The following MCOLN2 variants were observed in gnomAD, a reference collection of about 807,000 sequenced individuals.
MCOLN2 encodes the protein mucolipin TRP cation channel 2.
A neutral mutation model predicts 67.5 loss-of-function variants in MCOLN2; 57 were observed. The observed-to-expected ratio is 0.84, with a 90% CI of 0.68 to 1.05. The LOEUF (loss-of-function observed/expected upper bound fraction) is 1.05. MCOLN2 is among the 50% of genes least tolerant of loss of function. The pLI, the probability that MCOLN2 is intolerant of heterozygous loss-of-function variation, is 0.00. For synonymous variants in MCOLN2, 246 were observed against 233.3 expected (o/e 1.05, Z -0.50); for missense variants, 620 against 678.8 (o/e 0.91, Z 0.96).
intron 1 of MCOLN2, among the ~76,000 whole-genome samples, chr1:84,987,481 C>CATATATGT (rs1557665496): frequency 6.1e-5 from 1 of 16,366 alleles, no homozygotes; most frequent in African/African-American, 1.2e-4. Flanking sequence ...GATATATATA[C>CATATATGT]ATATATACAT....
chr1:84,945,237 T>C (rs1346811629), intron 7 of MCOLN2, among the ~76,000 whole-genome samples: 2 of 152,236 alleles, frequency 1.3e-5, no homozygotes, highest in Non-Finnish European at 2.9e-5. Flanking sequence ...TGCATTTGAC[T>C]GACTAGCTTG....
chr1:84,943,108 G>A (rs1647885160), intron 7 of MCOLN2, among the ~76,000 whole-genome samples: 2 of 152,134 alleles, frequency 1.3e-5, no homozygotes, highest in African/African-American at 4.8e-5. Flanking sequence ...AATTAATGAA[G>A]AGAATCAAGC....
chr1:84,959,378 C>G (rs942485411), intron 2 of MCOLN2, among the ~76,000 whole-genome samples: 1 of 152,206 alleles, frequency 6.6e-6, no homozygotes, highest in African/African-American at 2.4e-5. Flanking sequence ...AAAATGCCCA[C>G]TTATTCTCCC....
At chr1:84,936,199 C>A (rs1354836894) in intron 11 of MCOLN2, among the ~76,000 whole-genome samples, 2 of 152,040 alleles carry the variant, frequency 1.3e-5, no homozygotes, top group African/African-American at 4.8e-5. Context: ...ATCTTGGGCA[C>A]CATGCCTAAC....
intron 2 of MCOLN2, among the ~76,000 whole-genome samples, chr1:84,962,741 G>A (rs1649157689): frequency 6.6e-6 from 1 of 152,142 alleles, no homozygotes; most frequent in Non-Finnish European, 1.5e-5. Flanking sequence ...TGGCCTGTCT[G>A]GCTGGGATTT....
chr1:84,938,501 GC>G (rs1647566721), intron 9 of MCOLN2, among the ~76,000 whole-genome samples: 12 of 152,208 alleles, frequency 7.9e-5, no homozygotes, highest in Admixed American at 7.9e-4. Flanking sequence ...TAACACAGCT[GC>G]AGCTCTGAGG....
At chr1:84,940,087 G>A (rs888922360) in intron 8 of MCOLN2, among the ~76,000 whole-genome samples, 24 of 152,166 alleles carry the variant, frequency 1.6e-4, no homozygotes, top group African/African-American at 5.5e-4. Context: ...GCCAGGATCC[G>A]TGTCCAGGCA....
chr1:84,974,586 C>A (rs1274624197), intron 1 of MCOLN2, among the ~76,000 whole-genome samples: 1 of 152,044 alleles, frequency 6.6e-6, no homozygotes, highest in Non-Finnish European at 1.5e-5. Context: ...TGGCAGCATT[C>A]ATCACCTGCT....
At chr1:84,963,946 G>T in intron 2 of MCOLN2, among the ~76,000 whole-genome samples, 1 of 152,166 alleles carries the variant, frequency 6.6e-6, no homozygotes, top group East Asian at 1.9e-4. Flanking sequence ...TCAAATAATT[G>T]AAGGAAGTTG....
intron 2 of MCOLN2, among the ~76,000 whole-genome samples, chr1:84,960,684 TAGG>T (rs1649039746): frequency 6.6e-6 from 1 of 152,214 alleles, no homozygotes; most frequent in Non-Finnish European, 1.5e-5. Flanking sequence ...ATGGTGCCTG[TAGG>T]AGAAGCCAGA....
At position 84,964,532 on chromosome 1, in the gene MCOLN2, G is replaced by T. The variant is rs486647; in HGVS notation, c.237+1017C>A. 8.6e-4 allele frequency among the ~76,000 whole-genome samples: 127 copies of T among 147,690 alleles called. 2 individuals carry two copies. The highest frequency in any genetic ancestry group is 1.2e-3 in the Non-Finnish European group (82 of 66,226). ...GACTGGAGTGGGGCAGGAGTGGGGG[G>T]GGGTGGGTAATGGTTTCAGGATGAT... On this transcript the variant is annotated intron_variant, in intron 2 of 13. Transcript: ENST00000370608.
chr1:84,956,108 C>T (rs1444609646), intron 4 of MCOLN2, among the ~76,000 whole-genome samples: 1 of 151,978 alleles, frequency 6.6e-6, no homozygotes, highest in Non-Finnish European at 1.5e-5. Context: ...TTTCATTTAA[C>T]ACATACAGAC....
At chr1:84,931,248 CA>C (rs1661387111) in intron 12 of MCOLN2, 113 bp downstream of exon 12, 1 of 738,876 alleles carries the variant, frequency 1.4e-6, no homozygotes, top group African/African-American at 1.8e-5. Context: ...AGTTTGTCCA[CA>C]AAACCTCAAA....
intron 1 of MCOLN2, among the ~76,000 whole-genome samples, chr1:84,991,277 G>A (rs1192577247): frequency 6.6e-6 from 1 of 152,144 alleles, no homozygotes; most frequent in Non-Finnish European, 1.5e-5. Flanking sequence ...TGTTTCTACA[G>A]TAATGACTGT....
intron 11 of MCOLN2, chr1:84,937,447 A>T: frequency 3.2e-6 from 1 of 310,172 alleles, no homozygotes; most frequent in South Asian, 1.4e-4. Context: ...TTTCATTTTT[A>T]ATATAGTGAT....
At chr1:84,963,901 C>T (rs657309) in intron 2 of MCOLN2, among the ~76,000 whole-genome samples, 53,822 of 151,990 alleles carry the variant, frequency 0.35, 9,911 homozygotes, top group African/African-American at 0.43. Context: ...ATATTTTATG[C>T]CTGGGTAAAT....
At chr1:84,959,147 T>C (rs1308482262) in intron 2 of MCOLN2, among the ~76,000 whole-genome samples, 2 of 152,244 alleles carry the variant, frequency 1.3e-5, no homozygotes, top group East Asian at 3.8e-4. Flanking sequence ...TAAAAGTGTT[T>C]TTTGAAAAGT....
chr1:84,935,076 C>T (rs1647346944), intron 11 of MCOLN2, among the ~76,000 whole-genome samples: 1 of 152,178 alleles, frequency 6.6e-6, no homozygotes, highest in African/African-American at 2.4e-5. Context: ...CCTAGCTTTT[C>T]AAGGCTTCAG....
At position 84,996,966 on chromosome 1, in the gene MCOLN2, G is replaced by T; in HGVS notation, c.-94C>A. ...ATTTCGCCCTCGCCGTAACGCGTCCGCCGAAGTTGGAGCCCTGCAAAGCGG... is the reference window on the plus strand; with the variant it reads ...ATTTCGCCCTCGCCGTAACGCGTCCTCCGAAGTTGGAGCCCTGCAAAGCGG... On this transcript the variant is annotated 5_prime_UTR_variant, in exon 1 of 14. Transcript: ENST00000370608. 8.6e-7 allele frequency: 1 copy of T among 1,159,456 alleles called. No homozygotes were observed. Among genetic ancestry groups the T allele is most frequent in the Non-Finnish European group, 1.3e-6 (1 of 781,896 alleles). 71.8% of individuals were successfully genotyped at this position (1,159,456 alleles called of 1,614,324 possible).
Sources: gnomAD v4.1 joint callset for allele counts (sites outside exome capture counted in the v4.1 genomes callset) on GRCh38, gnomAD v4.1.1 for gene constraint, MANE v1.5 for transcripts, NCBI Gene and HGNC (gene_info 2026-07-23, HGNC 2026-07-21) for gene names.